GNAT1: variants seen among roughly 807,000 people sequenced by gnomAD.
The protein encoded by GNAT1 is guanine nucleotide-binding protein G(t) subunit alpha-1.
A neutral mutation model predicts 40.0 loss-of-function variants in GNAT1; 36 were observed. That is an observed-to-expected ratio of 0.90 (90% CI 0.69 to 1.19). The LOEUF is 1.19. GNAT1 is among the 50% of genes most tolerant of loss of function. GNAT1 has a pLI of 0.00. For missense variants in GNAT1, 413 were observed against 480.6 expected (o/e 0.86, Z 1.32); for synonymous variants, 195 against 192.9 (o/e 1.01, Z -0.09).
chr3:50,195,016 C>T (rs1189739744), intron 8 of GNAT1, 60 bp downstream of exon 8: 5 of 1,221,356 alleles, frequency 4.1e-6, no homozygotes, highest in African/African-American at 1.5e-5. Context: ...CAGCTCCCCA[C>T]CCCACACCAC....
rs1278015010 is a variant in GNAT1, at chr3:50,193,189, C to A, written c.149+14C>A. 6.2e-7 allele frequency: 1 copy of A among 1,613,884 alleles called. No homozygotes were observed. Among genetic ancestry groups the A allele is most frequent in the Non-Finnish European group, 8.5e-7 (1 of 1,179,910 alleles). On this transcript the variant is annotated intron_variant, in intron 2 of 8. Transcript: ENST00000232461. This position sits in a 1 kb window ranked among gnomAD's most constrained non-coding sequence, Gnocchi z 8.1. ...CAAGCAGATGAAGTGAGTGCCCCTG[C>A]CTGTCCCGAGGCCCCTGGGTCTGGG... is the stretch of plus-strand genomic sequence containing the variant.
chr3:50,192,397 G>T (rs371900000), intron 1 of GNAT1, among the ~76,000 whole-genome samples: 4 of 152,136 alleles, frequency 2.6e-5, no homozygotes, highest in Non-Finnish European at 5.9e-5. Flanking sequence ...AGATAAAGCC[G>T]CGTCCACTGG....
rs1261160570 is a variant in GNAT1 at position 50,193,434 on chromosome 3, C to T, written c.291+28C>T. The T allele has an allele frequency of 1.2e-6, 2 of 1,613,392 alleles. No homozygotes were observed. The highest frequency in any genetic ancestry group is 1.7e-6 in the Non-Finnish European group (2 of 1,179,918). On this transcript the variant is annotated intron_variant, in intron 3 of 8. Transcript: ENST00000232461. The surrounding 1 kb of genome is among the most constrained non-coding windows in gnomAD (Gnocchi z 8.1). ...GTGCCAGGAGGCGGGCTGAGCGGGCCTCTGGGGACTCGAGGCTCGCGGCTG... is the reference window on the plus strand; with the variant it reads ...GTGCCAGGAGGCGGGCTGAGCGGGCTTCTGGGGACTCGAGGCTCGCGGCTG...
rs1699518923 is a variant in GNAT1, at chr3:50,197,411, C to T, written c.*2145C>T. On this transcript the variant is annotated 3_prime_UTR_variant, in exon 9 of 9. Coordinates refer to ENST00000232461, the MANE Select transcript of GNAT1 (RefSeq NM_144499.3). ...CCTTCCCCCGGCTCCTGGCATCCAC[C>T]ATTCTACTTTCCATCTCTATGAATG... is the stretch of plus-strand genomic sequence containing the variant. 6.6e-6 allele frequency among the ~76,000 whole-genome samples: 1 copy of T among 152,114 alleles called. No homozygotes were observed. The highest frequency in any genetic ancestry group is 2.1e-4 in the South Asian group (1 of 4,832).
In GNAT1 at chr3:50,197,340, T is replaced by C. The variant is rs886058691; in HGVS notation, c.*2074T>C. Among the ~76,000 whole-genome samples the C allele has an allele frequency of 6.6e-6, 1 of 152,176 alleles. No individual in the cohort carries two copies. Among genetic ancestry groups the C allele is most frequent in the East Asian group, 1.9e-4 (1 of 5,198 alleles). On this transcript the variant is annotated 3_prime_UTR_variant, in exon 9 of 9. Transcript: ENST00000232461. The stretch of plus-strand genomic sequence containing the variant: ...CATCTCCAGAACTCCTTTCCTCTTG[T>C]AAAACTGTAACTCTGTACCCATGAA...
rs1699512501 is a variant in GNAT1 at position 50,196,992 on chromosome 3, C to T, written c.*1726C>T. Among the ~76,000 whole-genome samples, 1 of 152,106 alleles carries T rather than the reference C, an allele frequency of 6.6e-6. No homozygotes were observed. The highest frequency in any genetic ancestry group is 6.6e-5 in the Admixed American group (1 of 15,264). On this transcript the variant is annotated 3_prime_UTR_variant, in exon 9 of 9. Coordinates refer to ENST00000232461, the MANE Select transcript of GNAT1 (RefSeq NM_144499.3). The stretch of plus-strand genomic sequence containing the variant: ...GGTGAGGGAAGTGAGGCACACTCAC[C>T]TTGGGTGCAACATTTAAGGCGATGC...
Position 50,193,924 on chromosome 3 carries a change from C to A in GNAT1, c.578+43C>A. 1 of 1,612,028 alleles carries A rather than the reference C, an allele frequency of 6.2e-7. No individual in the cohort carries two copies. The highest frequency in any genetic ancestry group is 8.5e-7 in the Non-Finnish European group (1 of 1,178,856). Reference sequence around the variant, plus strand: ...GCCCAGGAGGTCACTGCCCCAGGCCCCGTCCTGCCCCGGGGACCCCATCCC... The same window carrying A: ...GCCCAGGAGGTCACTGCCCCAGGCCACGTCCTGCCCCGGGGACCCCATCCC... On this transcript the variant is annotated intron_variant, in intron 5 of 8. Transcript: ENST00000232461. The surrounding 1 kb of genome is among the most constrained non-coding windows in gnomAD (Gnocchi z 8.1).
At chr3:50,192,537 G>GA (rs996703553) in intron 1 of GNAT1, 2 of 179,022 alleles carry the variant, frequency 1.1e-5, no homozygotes, top group African/African-American at 4.8e-5. Flanking sequence ...CAACCAGCTG[G>GA]AGGTGGGTGA....
chr3:50,193,407 G>A lies in GNAT1; in HGVS notation c.291+1G>A, dbSNP rs770516234. The A allele has an allele frequency of 3.1e-6, 5 of 1,613,982 alleles. No individual in the cohort carries two copies. Among genetic ancestry groups the A allele is most frequent in the Non-Finnish European group, 4.2e-6 (5 of 1,180,008 alleles). ...CCAGTACGGAGACTCTGCACGCCAG[G>A]TGTGCCAGGAGGCGGGCTGAGCGGG... On this transcript the variant is annotated splice_donor_variant, in intron 3 of 8. Transcript: ENST00000232461. LOFTEE classifies it high-confidence loss of function. This position sits in a 1 kb window ranked among gnomAD's most constrained non-coding sequence, Gnocchi z 8.1.
At chr3:50,192,083 C>G (rs886478156) in intron 1 of GNAT1, among the ~76,000 whole-genome samples, 3 of 152,224 alleles carry the variant, frequency 2.0e-5, no homozygotes, top group Non-Finnish European at 4.4e-5. Flanking sequence ...CCCAGAAGTG[C>G]GTGCCAACCA....
At chr3:50,195,206 C>A in intron 8 of GNAT1, 62 bp from the exon 9 acceptor site, 1 of 583,230 alleles carries the variant, frequency 1.7e-6, no homozygotes, top group South Asian at 2.0e-5. Flanking sequence ...CCCCACCACA[C>A]ACAATGCCTA....
At chr3:50,192,347 C>A (rs1247260223) in intron 1 of GNAT1, among the ~76,000 whole-genome samples, 1 of 152,190 alleles carries the variant, frequency 6.6e-6, no homozygotes, top group African/African-American at 2.4e-5. Flanking sequence ...ACCTACAAAG[C>A]AGCCAGAGGG....
rs1000820026 is a variant in GNAT1, at chr3:50,197,497, C to T, written c.*2231C>T. On this transcript the variant is annotated 3_prime_UTR_variant, in exon 9 of 9. Coordinates refer to ENST00000232461, the MANE Select transcript of GNAT1 (RefSeq NM_144499.3). ...GAAGTCTTTGTCTTTTTGCAACTGG[C>T]TTATTTCACTTAGCATCATGTCTTC... Among the ~76,000 whole-genome samples, 1 of 152,194 alleles carries T rather than the reference C, an allele frequency of 6.6e-6. No homozygotes were observed. Among genetic ancestry groups the T allele is most frequent in the African/African-American group, 2.4e-5 (1 of 41,458 alleles).
Position 50,194,295 on chromosome 3 carries a change from G to C in GNAT1, c.708+74G>C. ...TGGTCCCTGGAGGCGGAGACCGCGCGCTGGGCTGGGGGAGGGCACGGGAGG... is the reference window on the plus strand; with the variant it reads ...TGGTCCCTGGAGGCGGAGACCGCGCCCTGGGCTGGGGGAGGGCACGGGAGG... On this transcript the variant is annotated intron_variant, in intron 6 of 8. Coordinates refer to ENST00000232461, the MANE Select transcript of GNAT1 (RefSeq NM_144499.3). The surrounding 1 kb of genome is among the most constrained non-coding windows in gnomAD (Gnocchi z 6.1). 12 of 1,525,048 alleles carry C rather than the reference G, an allele frequency of 7.9e-6. No individual in the cohort carries two copies. The highest frequency in any genetic ancestry group is 1.1e-5 in the Non-Finnish European group (12 of 1,125,398). 94.5% of individuals were successfully genotyped at this position (1,525,048 alleles called of 1,614,324 possible).
chr3:50,194,200 G>A lies in GNAT1; in HGVS notation c.687G>A (p.Val229=). ...FIAALSAYDM[V]LVEDDEVNRM... is the part of the protein sequence containing the mutation. Reference sequence around the variant, plus strand: ...CGGCGCTGAGCGCCTACGACATGGTGCTAGTGGAGGACGACGAAGTGGTGC... The same window carrying A: ...CGGCGCTGAGCGCCTACGACATGGTACTAGTGGAGGACGACGAAGTGGTGC... The change falls in exon 6 of 9, where the codon GTG becomes GTA. Residue 229 remains valine, a synonymous_variant. Coordinates refer to ENST00000232461, the MANE Select transcript of GNAT1 (RefSeq NM_144499.3). The surrounding 1 kb of genome is among the most constrained non-coding windows in gnomAD (Gnocchi z 6.1). 3.1e-6 allele frequency: 5 copies of A among 1,611,294 alleles called. No individual in the cohort carries two copies. Among genetic ancestry groups the A allele is most frequent in the Non-Finnish European group, 3.4e-6 (4 of 1,178,676 alleles).
chr3:50,192,399 G>A (rs1699425352), intron 1 of GNAT1, among the ~76,000 whole-genome samples: 2 of 152,150 alleles, frequency 1.3e-5, no homozygotes, highest in South Asian at 2.1e-4. Context: ...ATAAAGCCGC[G>A]TCCACTGGAC....
chr3:50,192,533 G>C (rs1699426944), intron 1 of GNAT1: 1 of 179,688 alleles, frequency 5.6e-6, no homozygotes, highest in African/African-American at 2.4e-5. Flanking sequence ...TGGTCAACCA[G>C]CTGGAGGTGG....
chr3:50,195,080 C>T, intron 8 of GNAT1, 124 bp downstream of exon 8: 2 of 733,172 alleles, frequency 2.7e-6, no homozygotes, highest in Non-Finnish European at 4.8e-6. Context: ...AGGCCCCACC[C>T]CAGCTCCTCA....
At position 50,191,641 on chromosome 3, in the gene GNAT1, G is replaced by C. The variant is rs998341193; in HGVS notation, c.-85G>C. The C allele has an allele frequency of 1.9e-5, 19 of 975,756 alleles. No homozygotes were observed. Among genetic ancestry groups the C allele is most frequent in the Admixed American group, 1.9e-4 (11 of 58,090 alleles). 60.4% of individuals were successfully genotyped at this position (975,756 alleles called of 1,614,324 possible). A position where few individuals can be genotyped will look rare whatever the true frequency, so the allele number is the denominator to read the frequency against. ...TTGCAGGTCCTCCTGGGGCCAGAAG[G>C]GTGCCTGGGAGGCCAGGTTCTGGGG... On this transcript the variant is annotated 5_prime_UTR_variant, in exon 1 of 9. Transcript: ENST00000232461.
Sources: gnomAD v4.1 joint callset for allele counts (sites outside exome capture counted in the v4.1 genomes callset) on GRCh38, gnomAD v4.1.1 for gene constraint, Gnocchi (gnomAD v3.1) non-coding constraint, MANE v1.5 for transcripts, NCBI Gene and HGNC (gene_info 2026-07-23, HGNC 2026-07-21) for gene names.